Variants in PRR5L observed in about 807,000 individuals in gnomAD.
PRR5L encodes proline-rich protein 5-like.
Under a neutral mutation model 36.4 loss-of-function variants are expected in PRR5L, and 21 were observed. The observed-to-expected ratio is 0.58, with a 90% CI of 0.41 to 0.83. PRR5L has a LOEUF of 0.83. PRR5L is among the 40% of genes least tolerant of loss of function. The pLI is 0.00. For synonymous variants in PRR5L, 188 were observed against 197.0 expected, an observed-to-expected ratio of 0.95 and a Z score of 0.38; for missense variants, 381 against 473.3, an observed-to-expected ratio of 0.80 and a Z score of 1.81.
chr11:36,352,644 A>G (rs1177583069), intron 1 of PRR5L, among the ~76,000 whole-genome samples: 1 of 149,202 alleles, frequency 6.7e-6, no homozygotes, highest in Non-Finnish European at 1.5e-5. Flanking sequence ...ATGGATCCCC[A>G]ATTTTCCCCT....
At chr11:36,436,875 G>A (rs567792351) in intron 5 of PRR5L, among the ~76,000 whole-genome samples, 1 of 152,162 alleles carries the variant, frequency 6.6e-6, no homozygotes, top group East Asian at 1.9e-4. Context: ...GGATAATGTT[G>A]TAACAATTCA....
Position 36,446,460 on chromosome 11 carries a change from T to C in PRR5L, c.585+20T>C, listed in dbSNP as rs765167406. The C allele has an allele frequency of 2.1e-5, 34 of 1,612,970 alleles. No homozygotes were observed. Among genetic ancestry groups the C allele is most frequent in the Non-Finnish European group, 2.5e-5 (30 of 1,179,338 alleles). On this transcript the variant is annotated intron_variant, in intron 7 of 8. Coordinates refer to ENST00000530639, the MANE Select transcript of PRR5L (RefSeq NM_001160167.2). ...CTGCAGGTGAGGCTGTGCTGGAGACTTGCCCCAAGGCAGAGGGAGGGAGCG... is the reference window on the plus strand; with the variant it reads ...CTGCAGGTGAGGCTGTGCTGGAGACCTGCCCCAAGGCAGAGGGAGGGAGCG...
At chr11:36,314,057 AT>A (rs1310656470) in intron 1 of PRR5L, among the ~76,000 whole-genome samples, 1 of 152,218 alleles carries the variant, frequency 6.6e-6, no homozygotes, top group African/African-American at 2.4e-5. Flanking sequence ...ACTTCACAGT[AT>A]TGTGAGGGTT....
intron 1 of PRR5L, among the ~76,000 whole-genome samples, chr11:36,387,954 C>G (rs1364139279): frequency 6.6e-6 from 1 of 152,020 alleles, no homozygotes; most frequent in Non-Finnish European, 1.5e-5. Context: ...AAAATCAGAT[C>G]TGGCAAAACC....
chr11:36,320,447 T>C (rs1323547098), intron 1 of PRR5L, among the ~76,000 whole-genome samples: 1 of 152,078 alleles, frequency 6.6e-6, no homozygotes, highest in African/African-American at 2.4e-5. Flanking sequence ...AAGGGCTCTT[T>C]GAGTGCCAAG....
chr11:36,395,165 A>G (rs1857632764), intron 1 of PRR5L, among the ~76,000 whole-genome samples: 2 of 152,218 alleles, frequency 1.3e-5, no homozygotes, highest in African/African-American at 4.8e-5. Flanking sequence ...CATTCTTTAC[A>G]GTAACCACAA....
intron 1 of PRR5L, among the ~76,000 whole-genome samples, chr11:36,299,768 ATT>A (rs1485184495): frequency 1.3e-5 from 2 of 152,050 alleles, no homozygotes; most frequent in African/African-American, 2.4e-5. Flanking sequence ...CCACTTCATT[ATT>A]TACTTCTCTG....
rs200324236 is a variant in PRR5L, at chr11:36,433,034, A to AT, written c.352+1133dup. On this transcript the variant is annotated intron_variant, in intron 5 of 8. Transcript: ENST00000530639. The stretch of plus-strand genomic sequence containing the variant: ...TTCTTCCCTTGAATACATCGATGAC[A>AT]TTTTTTTTTCAACCTTATAAATACC... 1.1e-3 allele frequency among the ~76,000 whole-genome samples: 168 copies of AT among 151,008 alleles called. 1 individual carries two copies. The highest frequency in any genetic ancestry group is 3.5e-3 in the African/African-American group (142 of 41,124).
chr11:36,404,266 G>A (rs569055867), intron 3 of PRR5L, among the ~76,000 whole-genome samples: 1 of 132,110 alleles, frequency 7.6e-6, no homozygotes, highest in South Asian at 2.3e-4. Context: ...GATCCATCAG[G>A]TCTTTTTTTT....
intron 1 of PRR5L, among the ~76,000 whole-genome samples, chr11:36,382,350 G>A (rs1413148045): frequency 6.6e-6 from 1 of 152,164 alleles, no homozygotes; most frequent in Non-Finnish European, 1.5e-5. Flanking sequence ...GTTATTCTGG[G>A]CCTCAGTTTC....
chr11:36,365,981 C>T (rs1341826963), intron 1 of PRR5L, among the ~76,000 whole-genome samples: 4 of 152,188 alleles, frequency 2.6e-5, no homozygotes, highest in African/African-American at 9.6e-5. Flanking sequence ...ACTTTCTGCT[C>T]TTGCAGAAAT....
At chr11:36,446,803 C>T (rs1289341647) in intron 7 of PRR5L, among the ~76,000 whole-genome samples, 4 of 152,154 alleles carry the variant, frequency 2.6e-5, no homozygotes, top group Non-Finnish European at 2.9e-5. Flanking sequence ...TGAGGAACTC[C>T]CTGAAAAGCT....
At chr11:36,404,510 C>A (rs1489683078) in intron 3 of PRR5L, among the ~76,000 whole-genome samples, 1 of 152,064 alleles carries the variant, frequency 6.6e-6, no homozygotes, top group Non-Finnish European at 1.5e-5. Flanking sequence ...TCGTGATCCA[C>A]CCACCTCAGC....
chr11:36,425,939 G>T (rs1858373112), intron 4 of PRR5L: 1 of 152,280 alleles, frequency 6.6e-6, no homozygotes, highest in Admixed American at 6.5e-5. Context: ...GTTAACACAG[G>T]TTCTGGGAAG....
At position 36,345,776 on chromosome 11, in the gene PRR5L, T is replaced by A. The variant is rs891407587; in HGVS notation, c.-126+49338T>A. On this transcript the variant is annotated intron_variant, in intron 1 of 8. Coordinates refer to ENST00000530639, the MANE Select transcript of PRR5L (RefSeq NM_001160167.2). Reference sequence around the variant, plus strand: ...GGGTTTAGTGGGAGGTGTGGGTAGGTCAGGTAACAGCAGATGCTCCGGGAA... The same window carrying A: ...GGGTTTAGTGGGAGGTGTGGGTAGGACAGGTAACAGCAGATGCTCCGGGAA... Among the ~76,000 whole-genome samples, 9 of 152,186 alleles carry A rather than the reference T, an allele frequency of 5.9e-5. No homozygotes were observed. In the East Asian group the frequency reaches 1.7e-3, roughly 29 times the overall value.
chr11:36,369,247 T>TGCTGAG (rs1857174153), intron 1 of PRR5L, among the ~76,000 whole-genome samples: 1 of 152,184 alleles, frequency 6.6e-6, no homozygotes, highest in Admixed American at 6.5e-5. Context: ...CAGAGAGTGA[T>TGCTGAG]GCTGAGGCTG....
At chr11:36,372,607 G>A (rs972466079) in intron 1 of PRR5L, among the ~76,000 whole-genome samples, 1 of 152,178 alleles carries the variant, frequency 6.6e-6, no homozygotes, top group African/African-American at 2.4e-5. Flanking sequence ...AGAGTGGCAG[G>A]AAAATGGGCG....
chr11:36,436,194 G>A (rs1168201092), intron 5 of PRR5L, among the ~76,000 whole-genome samples: 1 of 152,172 alleles, frequency 6.6e-6, no homozygotes, highest in Non-Finnish European at 1.5e-5. Context: ...GGCGCCAAAT[G>A]AATCTTTCAA....
intron 1 of PRR5L, among the ~76,000 whole-genome samples, chr11:36,324,882 TCTGA>T: frequency 6.6e-6 from 1 of 152,290 alleles, no homozygotes; most frequent in South Asian, 2.1e-4. Context: ...TTAGTGAAAG[TCTGA>T]CTGTAGGGTG....
Sources: allele counts gnomAD v4.1 joint callset (sites outside exome capture counted in the v4.1 genomes callset), GRCh38; gene constraint gnomAD v4.1.1; transcripts MANE v1.5; gene names NCBI Gene and HGNC (gene_info 2026-07-23, HGNC 2026-07-21).